The following DPYD variants were observed in gnomAD, a reference collection of about 807,000 sequenced individuals.
The protein encoded by DPYD is dihydropyrimidine dehydrogenase [NADP(+)].
A neutral mutation model predicts 116.2 loss-of-function variants in DPYD; 109 were observed. That is an observed-to-expected ratio of 0.94 (90% confidence interval 0.80 to 1.10). The LOEUF (loss-of-function observed/expected upper bound fraction) is 1.10, where lower values mean the gene tolerates loss of function less well. Among genes scored for constraint, DPYD ranks in the 50% least tolerant of loss-of-function variants. The pLI is 0.00. For missense variants in DPYD, 1,302 were observed against 1,254.5 expected (o/e 1.04, Z -0.57); for synonymous variants, 440 against 432.0 (o/e 1.02, Z -0.23).
chr1:97,602,887 T>A (rs1371007655), intron 8 of DPYD, among the ~76,000 whole-genome samples: 1 of 151,992 alleles, frequency 6.6e-6, no homozygotes, highest in Non-Finnish European at 1.5e-5. Context: ...TACTTTAATA[T>A]AAGCATTTGG....
At chr1:97,493,299 C>A (rs966268908) in intron 13 of DPYD, among the ~76,000 whole-genome samples, 1 of 152,192 alleles carries the variant, frequency 6.6e-6, no homozygotes, top group African/African-American at 2.4e-5. Flanking sequence ...ATAATCCCCT[C>A]GTACTAACGG....
At chr1:97,893,462 A>ATATATATATATG (rs1553256548) in intron 1 of DPYD, among the ~76,000 whole-genome samples, 20 of 139,838 alleles carry the variant, frequency 1.4e-4, no homozygotes, top group African/African-American at 2.9e-4. Context: ...ATATATATAT[A>ATATATATATATG]GCAATGGAGA....
intron 2 of DPYD, among the ~76,000 whole-genome samples, chr1:97,869,067 G>T (rs191100694): frequency 6.6e-6 from 1 of 151,850 alleles, no homozygotes; most frequent in Non-Finnish European, 1.5e-5. Flanking sequence ...AGTACATGTT[G>T]CAAGTGGAAA....
chr1:97,096,482 AT>A (rs1474782409), intron 21 of DPYD, among the ~76,000 whole-genome samples: 1 of 152,146 alleles, frequency 6.6e-6, no homozygotes, highest in Non-Finnish European at 1.5e-5. Flanking sequence ...GAGAATTCCT[AT>A]TGAGAGGTGA....
chr1:97,573,296 CT>C (rs1653031547), intron 11 of DPYD, among the ~76,000 whole-genome samples: 1 of 152,146 alleles, frequency 6.6e-6, no homozygotes, highest in East Asian at 1.9e-4. Context: ...GACATTTAAA[CT>C]TTCTAATTTG....
chr1:97,821,963 T>C (rs1322087326), intron 3 of DPYD, among the ~76,000 whole-genome samples: 1 of 152,024 alleles, frequency 6.6e-6, no homozygotes, highest in Non-Finnish European at 1.5e-5. Flanking sequence ...TACCTAAAAT[T>C]ACAGTTGGAG....
chr1:97,178,055 G>A (rs1341352054), intron 20 of DPYD, among the ~76,000 whole-genome samples: 2 of 152,064 alleles, frequency 1.3e-5, no homozygotes, highest in Non-Finnish European at 2.9e-5. Context: ...TGGCAGTTAA[G>A]ATTTTAACAT....
chr1:97,815,104 AAAGAG>A (rs1184012031), intron 3 of DPYD, among the ~76,000 whole-genome samples: 4 of 150,200 alleles, frequency 2.7e-5, no homozygotes, highest in African/African-American at 4.9e-5. Flanking sequence ...AGAGAAGAGA[AAAGAG>A]AAGAGAAGAG....
At chr1:97,577,945 A>T (rs1051491956) in intron 10 of DPYD, among the ~76,000 whole-genome samples, 2 of 151,970 alleles carry the variant, frequency 1.3e-5, no homozygotes, top group African/African-American at 2.4e-5. Flanking sequence ...TCCCCAGTTC[A>T]AGTGATTCTC....
At chr1:97,596,565 G>C (rs924434805) in intron 8 of DPYD, among the ~76,000 whole-genome samples, 1 of 152,132 alleles carries the variant, frequency 6.6e-6, no homozygotes, top group Non-Finnish European at 1.5e-5. Flanking sequence ...TTATTACTAA[G>C]ACTCATTCTA....
intron 3 of DPYD, among the ~76,000 whole-genome samples, chr1:97,807,736 CTA>C (rs1310787205): frequency 6.6e-6 from 1 of 152,002 alleles, no homozygotes; most frequent in Non-Finnish European, 1.5e-5. Context: ...TCTATATTTT[CTA>C]TGTTATCTTC....
At chr1:97,209,510 T>C (rs1037080173) in intron 19 of DPYD, among the ~76,000 whole-genome samples, 16 of 152,170 alleles carry the variant, frequency 1.1e-4, no homozygotes, top group African/African-American at 3.9e-4. Flanking sequence ...GCATGTGTAA[T>C]GTGTGATGTA....
chr1:97,250,186 C>T (rs916282816), intron 18 of DPYD, among the ~76,000 whole-genome samples: 20 of 152,046 alleles, frequency 1.3e-4, no homozygotes, highest in East Asian at 5.8e-4. Context: ...AGGAGAATCG[C>T]GTGAACATGG....
chr1:97,324,503 T>C (rs1668610970), intron 16 of DPYD, among the ~76,000 whole-genome samples: 1 of 152,108 alleles, frequency 6.6e-6, no homozygotes, highest in Non-Finnish European at 1.5e-5. Context: ...CTGTTTACTT[T>C]TCTTTAGAAA....
rs144575717 is a variant in DPYD, at chr1:97,134,654, G to T, written c.2623-36022C>A. On this transcript the variant is annotated intron_variant, in intron 20 of 22. Transcript: ENST00000370192. ...TTGGTTAAATCTTAAAATATCAGTAGATTTTCACTATTTGAATGTTCTATT... is the reference window on the plus strand; with the variant it reads ...TTGGTTAAATCTTAAAATATCAGTATATTTTCACTATTTGAATGTTCTATT... 5.0e-3 allele frequency among the ~76,000 whole-genome samples: 764 copies of T among 152,294 alleles called. 9 individuals are homozygous for T. Among genetic ancestry groups the T allele is most frequent in the African/African-American group, 0.017 (719 of 41,570 alleles).
At chr1:97,737,171 G>GGTTTT (rs376322483) in intron 4 of DPYD, among the ~76,000 whole-genome samples, 3 of 152,124 alleles carry the variant, frequency 2.0e-5, no homozygotes, top group South Asian at 2.1e-4. Context: ...AGGAGATAGA[G>GGTTTT]GTTTTGTTTT....
intron 18 of DPYD, among the ~76,000 whole-genome samples, chr1:97,302,734 T>C (rs562228074): frequency 1.3e-5 from 2 of 152,142 alleles, no homozygotes; most frequent in East Asian, 1.9e-4. Context: ...GTGTATATTA[T>C]GTGTATAACT....
At chr1:97,539,144 A>C (rs1650233437) in intron 12 of DPYD, among the ~76,000 whole-genome samples, 1 of 152,184 alleles carries the variant, frequency 6.6e-6, no homozygotes, top group African/African-American at 2.4e-5. Context: ...TTGAAGGTTG[A>C]CTTCAAATGC....
At chr1:97,132,107 C>A (rs1384911070) in intron 20 of DPYD, among the ~76,000 whole-genome samples, 1 of 152,168 alleles carries the variant, frequency 6.6e-6, no homozygotes, top group African/African-American at 2.4e-5. Flanking sequence ...AAACAAACCA[C>A]AAACATATTT....
Sources: gnomAD v4.1 joint callset for allele counts (sites outside exome capture counted in the v4.1 genomes callset) on GRCh38, gnomAD v4.1.1 for gene constraint, MANE v1.5 for transcripts, NCBI Gene and HGNC (gene_info 2026-07-23, HGNC 2026-07-21) for gene names.